Variants in CDH22 observed in about 807,000 individuals in gnomAD.
The protein encoded by CDH22 is cadherin 22.
A neutral mutation model predicts 58.4 loss-of-function variants in CDH22; 30 were observed. The observed-to-expected ratio is 0.51, with a 90% CI of 0.38 to 0.70. The LOEUF is 0.70. CDH22 is among the 30% of genes least tolerant of loss of function. CDH22 has a pLI of 0.00. For missense variants in CDH22, 1,014 were observed against 1,233.9 expected, an observed-to-expected ratio of 0.82 and a Z score of 2.67; for synonymous variants, 513 against 558.2, an observed-to-expected ratio of 0.92 and a Z score of 1.14.
In CDH22 at chr20:46,212,981, T is replaced by A. The variant is rs1202403247; in HGVS notation, c.1032+14A>T. On this transcript the variant is annotated intron_variant, in intron 6 of 11. Coordinates refer to ENST00000537909, the MANE Select transcript of CDH22 (RefSeq NM_021248.3). Reference sequence around the variant, plus strand: ...TGAGGCCTGCCTCCCCCATTCCTCCTGAGGCAGCTGCACCTTCTGCACTAC... The same window carrying A: ...TGAGGCCTGCCTCCCCCATTCCTCCAGAGGCAGCTGCACCTTCTGCACTAC... 3 of 1,611,274 alleles carry A rather than the reference T, an allele frequency of 1.9e-6. No individual in the cohort carries two copies. The highest frequency in any genetic ancestry group is 2.5e-6 in the Non-Finnish European group (3 of 1,177,598).
At chr20:46,204,705 G>A (rs2145679363) in intron 7 of CDH22, among the ~76,000 whole-genome samples, 1 of 152,146 alleles carries the variant, frequency 6.6e-6, no homozygotes, top group South Asian at 2.1e-4. Flanking sequence ...AGAGCCGGAG[G>A]TCTAACAGCA....
chr20:46,175,994 G>A (rs985429557), intron 11 of CDH22, among the ~76,000 whole-genome samples: 7 of 152,188 alleles, frequency 4.6e-5, no homozygotes, highest in African/African-American at 1.4e-4. Flanking sequence ...AGGAAGAGTT[G>A]GATGGAGACT....
chr20:46,227,451 C>A, intron 4 of CDH22, 57 bp downstream of exon 4: 1 of 1,405,228 alleles, frequency 7.1e-7, no homozygotes, highest in South Asian at 1.2e-5. Flanking sequence ...GTCCTCGTCC[C>A]GCCCCGCCCC....
At chr20:46,230,290 G>A (rs1053739654) in intron 3 of CDH22, among the ~76,000 whole-genome samples, 1 of 152,156 alleles carries the variant, frequency 6.6e-6, no homozygotes, top group Non-Finnish European at 1.5e-5. Flanking sequence ...TGGTTTGTTG[G>A]TGAGTCAGCT....
intron 3 of CDH22, among the ~76,000 whole-genome samples, chr20:46,231,048 G>A (rs2086217386): frequency 6.6e-6 from 1 of 152,182 alleles, no homozygotes; most frequent in African/African-American, 2.4e-5. Flanking sequence ...GGGAAGGACA[G>A]GAGCTGGGTT....
rs746367580 is a variant in CDH22, at chr20:46,213,028, G to A, written c.999C>T (p.Ser333=). ...CTACGATGATGGCCTCCTGAGTGTCGCTGTCTGTGGTGACCTTGAACACAT... is the reference window on the plus strand; with the variant it reads ...CTACGATGATGGCCTCCTGAGTGTCACTGTCTGTGGTGACCTTGAACACAT... ...GGDVFKVTTD[S]DTQEAIIVVQ... is the part of the protein sequence containing the mutation. The change falls in exon 6 of 12, where the codon AGC becomes AGT. Residue 333 remains serine, a synonymous_variant. Transcript: ENST00000537909. 15 of 1,614,004 alleles carry A rather than the reference G, an allele frequency of 9.3e-6. No individual in the cohort carries two copies. In the Middle Eastern group the frequency reaches 4.9e-4, roughly 53 times the overall value.
At chr20:46,233,949 G>T (rs1396201626) in intron 3 of CDH22, among the ~76,000 whole-genome samples, 3 of 152,218 alleles carry the variant, frequency 2.0e-5, no homozygotes, top group Non-Finnish European at 4.4e-5. Context: ...TGGGCCTGCG[G>T]GCTGCTGAGC....
At chr20:46,293,572 C>A (rs2086614986) in intron 1 of CDH22, among the ~76,000 whole-genome samples, 1 of 152,136 alleles carries the variant, frequency 6.6e-6, no homozygotes, top group African/African-American at 2.4e-5. Flanking sequence ...TCCTCTGAGC[C>A]ACATGTCCCC....
At chr20:46,197,717 T>C (rs558261469) in intron 8 of CDH22, among the ~76,000 whole-genome samples, 1 of 152,300 alleles carries the variant, frequency 6.6e-6, no homozygotes, top group South Asian at 2.1e-4. Context: ...CTCCCTTTCA[T>C]GCGGTAGAGG....
At chr20:46,293,876 A>G (rs900527133) in intron 1 of CDH22, among the ~76,000 whole-genome samples, 6 of 152,184 alleles carry the variant, frequency 3.9e-5, no homozygotes, top group East Asian at 1.9e-4. Flanking sequence ...TTAGCCAGCC[A>G]TGGTGGCTCA....
intron 2 of CDH22, among the ~76,000 whole-genome samples, chr20:46,243,166 G>A (rs2086304243): frequency 6.6e-6 from 1 of 152,224 alleles, no homozygotes; most frequent in Non-Finnish European, 1.5e-5. Flanking sequence ...CAGGAGAACA[G>A]GTGCCCATGA....
At chr20:46,304,261 A>G (rs2086665019) in intron 1 of CDH22, among the ~76,000 whole-genome samples, 1 of 152,222 alleles carries the variant, frequency 6.6e-6, no homozygotes, top group Non-Finnish European at 1.5e-5. Context: ...CATTTACCCC[A>G]TGGGAACCAA....
rs145077274 is a variant in CDH22, at chr20:46,294,667, C to T, written c.-400+13588G>A. On this transcript the variant is annotated intron_variant, in intron 1 of 11. Transcript: ENST00000537909. ...CTGTGCCCCAGTTTGTACAAACTCT[C>T]CCTTCTCCACAGGGCTCCCCCCAAC... is the stretch of plus-strand genomic sequence containing the variant. Among the ~76,000 whole-genome samples the T allele has an allele frequency of 3.5e-3, 528 of 152,266 alleles. 5 individuals carry two copies. The highest frequency in any genetic ancestry group is 0.012 in the African/African-American group (493 of 41,542).
At chr20:46,292,854 C>A (rs1196865252) in intron 1 of CDH22, among the ~76,000 whole-genome samples, 1 of 151,968 alleles carries the variant, frequency 6.6e-6, no homozygotes, top group African/African-American at 2.4e-5. Context: ...TTCCTGCAGG[C>A]AGAGTTAATC....
chr20:46,256,328 A>G (rs2086406454), intron 1 of CDH22, among the ~76,000 whole-genome samples: 1 of 152,208 alleles, frequency 6.6e-6, no homozygotes, highest in South Asian at 2.1e-4. Flanking sequence ...CTGTTTATCC[A>G]TCTATCATCG....
In CDH22 at chr20:46,225,752, G is replaced by A. The variant is rs543175184; in HGVS notation, c.670+1756C>T. 2.0e-5 allele frequency among the ~76,000 whole-genome samples: 3 copies of A among 152,012 alleles called. No individual in the cohort carries two copies. The East Asian group carries it at 5.8e-4, about 29-fold the overall frequency. On this transcript the variant is annotated intron_variant, in intron 4 of 11. Coordinates refer to ENST00000537909, the MANE Select transcript of CDH22 (RefSeq NM_021248.3). ...TGTATACACCAAGTGGCTACCTTTG[G>A]GGCTGCAATTACTGGTGATAGGGAG... is the stretch of plus-strand genomic sequence containing the variant.
intron 10 of CDH22, among the ~76,000 whole-genome samples, chr20:46,182,639 G>T (rs2085797896): frequency 6.6e-6 from 1 of 152,194 alleles, no homozygotes; most frequent in South Asian, 2.1e-4. Context: ...GCAGCAGCTG[G>T]CTTCAGTTGG....
At chr20:46,305,259 G>A (rs919220272) in intron 1 of CDH22, among the ~76,000 whole-genome samples, 12 of 152,202 alleles carry the variant, frequency 7.9e-5, no homozygotes, top group Admixed American at 5.2e-4. Context: ...GCCTGTCCTC[G>A]TGGTGAAATA....
In CDH22 at chr20:46,269,609, C is replaced by T. The variant is rs552973381; in HGVS notation, c.-399-17916G>A. Among the ~76,000 whole-genome samples, 33 of 152,352 alleles carry T rather than the reference C, an allele frequency of 2.2e-4. 1 individual carries two copies. Among genetic ancestry groups the T allele is most frequent in the Admixed American group, 1.8e-3 (28 of 15,310 alleles). On this transcript the variant is annotated intron_variant, in intron 1 of 11. Transcript: ENST00000537909. The stretch of plus-strand genomic sequence containing the variant: ...GCAGTCTGACGTCAGAGCCATGCTC[C>T]GAACCAGGGGCTCCCCACACCGTGC...
Sources: gnomAD v4.1 joint callset for allele counts (sites outside exome capture counted in the v4.1 genomes callset) on GRCh38, gnomAD v4.1.1 for gene constraint, MANE v1.5 for transcripts, NCBI Gene and HGNC (gene_info 2026-07-23, HGNC 2026-07-21) for gene names.